The following MALRD1 variants were observed in gnomAD, a reference collection of about 807,000 sequenced individuals.
The protein encoded by MALRD1 is MAM and LDL-receptor class A domain-containing protein 1.
MALRD1 carries 247 observed loss-of-function variants against 242.1 expected under a neutral mutation model. That is an observed-to-expected ratio of 1.02 (90% CI 0.92 to 1.13). MALRD1 has a LOEUF of 1.13. Ranked by LOEUF, MALRD1 falls within the 50% of genes most tolerant of loss-of-function variation. The probability of loss-of-function intolerance (pLI) is 0.00; values close to 1 mark genes in which losing one functional copy is unlikely to be tolerated. For missense variants in MALRD1, 2,989 were observed against 2,533.1 expected, an observed-to-expected ratio of 1.18 and a Z score of -3.86; for synonymous variants, 995 against 866.6, an observed-to-expected ratio of 1.15 and a Z score of -2.60.
intron 18 of MALRD1, among the ~76,000 whole-genome samples, chr10:19,220,423 C>A (rs1837508355): frequency 2.6e-5 from 4 of 152,110 alleles, no homozygotes; most frequent in Admixed American, 2.6e-4. Flanking sequence ...ATACACTGAG[C>A]ATATTACAGA....
intron 32 of MALRD1, among the ~76,000 whole-genome samples, chr10:19,563,966 T>G (rs1215308546): frequency 6.6e-6 from 1 of 152,202 alleles, no homozygotes; most frequent in African/African-American, 2.4e-5. Flanking sequence ...TTTTTCCTGC[T>G]TTCCCCATGT....
intron 19 of MALRD1, among the ~76,000 whole-genome samples, chr10:19,258,851 G>T (rs1295654723): frequency 6.6e-6 from 1 of 152,038 alleles, no homozygotes; most frequent in Non-Finnish European, 1.5e-5. Context: ...ATTACCAGTT[G>T]CCTCTCAATC....
chr10:19,359,201 T>G (rs1303975318), intron 26 of MALRD1, among the ~76,000 whole-genome samples: 1 of 152,146 alleles, frequency 6.6e-6, no homozygotes, highest in Non-Finnish European at 1.5e-5. Flanking sequence ...TATTGGCATA[T>G]TCCACCGAAT....
chr10:19,116,376 A>G (rs1836869988), intron 5 of MALRD1, among the ~76,000 whole-genome samples: 1 of 152,210 alleles, frequency 6.6e-6, no homozygotes, highest in South Asian at 2.1e-4. Flanking sequence ...TAGAATCTGA[A>G]TGATGCATAT....
intron 2 of MALRD1, among the ~76,000 whole-genome samples, chr10:19,071,854 T>C (rs1835158160): frequency 6.6e-6 from 1 of 152,180 alleles, no homozygotes; most frequent in African/African-American, 2.4e-5. Flanking sequence ...CTGTTTATTT[T>C]TAAATCAGTG....
At chr10:19,543,583 T>C (rs1404292100) in intron 32 of MALRD1, among the ~76,000 whole-genome samples, 3 of 151,952 alleles carry the variant, frequency 2.0e-5, no homozygotes, top group Non-Finnish European at 2.9e-5. Flanking sequence ...TTACTCCGCT[T>C]TTTGAGTTAT....
intron 29 of MALRD1, chr10:19,489,254 AC>A (rs1343083698): frequency 5.6e-5 from 27 of 479,964 alleles, no homozygotes; most frequent in Admixed American, 5.1e-4. Flanking sequence ...AAAAGCACAA[AC>A]AAAAGGGAAA....
intron 29 of MALRD1, among the ~76,000 whole-genome samples, chr10:19,470,077 C>A (rs6481939): frequency 0.86 from 130,758 of 151,736 alleles, 56,502 homozygotes; most frequent in East Asian, 1. Flanking sequence ...CATAACTGAA[C>A]CTTTGTACCC....
intron 24 of MALRD1, among the ~76,000 whole-genome samples, chr10:19,338,305 A>C (rs956511073): frequency 6.6e-6 from 1 of 152,072 alleles, no homozygotes; most frequent in Admixed American, 6.6e-5. Flanking sequence ...ATTGCCCTAA[A>C]AATCCTCTAT....
chr10:19,526,860 C>G (rs116930771), intron 31 of MALRD1, among the ~76,000 whole-genome samples: 1 of 152,030 alleles, frequency 6.6e-6, no homozygotes, highest in Non-Finnish European at 1.5e-5. Flanking sequence ...TTTCTTTCTA[C>G]GAAGTCATAT....
At chr10:19,080,223 C>T (rs1835442228) in intron 2 of MALRD1, among the ~76,000 whole-genome samples, 1 of 151,850 alleles carries the variant, frequency 6.6e-6, no homozygotes, top group Non-Finnish European at 1.5e-5. Context: ...AATGCTATTC[C>T]CATTAAACTA....
chr10:19,579,959 A>G (rs181197068), intron 33 of MALRD1, among the ~76,000 whole-genome samples: 1 of 152,222 alleles, frequency 6.6e-6, no homozygotes, highest in Admixed American at 6.6e-5. Context: ...AACAGCGTTA[A>G]ATTAGGCCAA....
At chr10:19,505,267 G>T (rs1222345357) in intron 31 of MALRD1, among the ~76,000 whole-genome samples, 2 of 152,144 alleles carry the variant, frequency 1.3e-5, no homozygotes, top group African/African-American at 2.4e-5. Flanking sequence ...ACTGAATTGT[G>T]CCCCCTTCCT....
chr10:19,166,215 G>T (rs931283886), intron 13 of MALRD1, among the ~76,000 whole-genome samples: 1 of 152,170 alleles, frequency 6.6e-6, no homozygotes, highest in Non-Finnish European at 1.5e-5. Flanking sequence ...GTCTGACGTG[G>T]GCTGTAATAT....
rs180683977 is a variant in MALRD1 at position 19,634,696 on chromosome 10, G to A, written c.6137+18773G>A. On this transcript the variant is annotated intron_variant, in intron 36 of 39. Transcript: ENST00000454679. ...GTAATACTCATCTGGAAAGCAAGCA[G>A]AGTGAACTAGACCAGGGACCTCAAC... 1.5e-3 allele frequency among the ~76,000 whole-genome samples: 221 copies of A among 152,266 alleles called. 2 individuals carry two copies. Among genetic ancestry groups the A allele is most frequent in the Admixed American group, 0.014 (218 of 15,280 alleles).
intron 31 of MALRD1, 142 bp from the exon 32 acceptor site, chr10:19,531,051 AT>A: frequency 1.5e-6 from 1 of 650,792 alleles, no homozygotes; most frequent in Non-Finnish European, 2.4e-6. Context: ...TGTTATTGAT[AT>A]ATGACTCCCA....
At chr10:19,376,541 TC>T (rs1845606372) in intron 26 of MALRD1, among the ~76,000 whole-genome samples, 1 of 105,100 alleles carries the variant, frequency 9.5e-6, no homozygotes, top group African/African-American at 4.2e-5. Context: ...GTTGATACAT[TC>T]TTTTTTTTTT....
intron 28 of MALRD1, among the ~76,000 whole-genome samples, chr10:19,415,897 A>G (rs1713165588): frequency 6.6e-6 from 1 of 152,200 alleles, no homozygotes; most frequent in Admixed American, 6.5e-5. Context: ...TGAATTCCAA[A>G]TATTAAGAAT....
chr10:19,621,427 C>T (rs1054457664), intron 36 of MALRD1, among the ~76,000 whole-genome samples: 2 of 146,060 alleles, frequency 1.4e-5, no homozygotes, highest in East Asian at 4.0e-4. Context: ...ATTGGTTGAA[C>T]CCAGGAAAAA....
Sources: allele counts gnomAD v4.1 joint callset (sites outside exome capture counted in the v4.1 genomes callset), GRCh38; gene constraint gnomAD v4.1.1; transcripts MANE v1.5; gene names NCBI Gene and HGNC (gene_info 2026-07-23, HGNC 2026-07-21).